Variants in RASAL2 observed in about 807,000 individuals in gnomAD.
RASAL2 encodes the protein ras GTPase-activating protein nGAP.
RASAL2 carries 58 observed loss-of-function variants against 128.9 expected under a neutral mutation model. That is an observed-to-expected ratio of 0.45 (90% confidence interval 0.36 to 0.56). The LOEUF (loss-of-function observed/expected upper bound fraction) is 0.56, where lower values mean the gene tolerates loss of function less well. Ranked by LOEUF, RASAL2 falls within the 20% of genes least tolerant of loss-of-function variation. The pLI is 0.00. For missense variants in RASAL2, 1,360 were observed against 1,601.6 expected, an observed-to-expected ratio of 0.85 and a Z score of 2.57; for synonymous variants, 561 against 580.8, an observed-to-expected ratio of 0.97 and a Z score of 0.49.
At chr1:178,136,617 C>T (rs1660332374) in intron 1 of RASAL2, among the ~76,000 whole-genome samples, 1 of 151,324 alleles carries the variant, frequency 6.6e-6, no homozygotes, top group South Asian at 2.1e-4. Flanking sequence ...ATTACCGGGG[C>T]GTGGTGGCGG....
intron 17 of RASAL2, among the ~76,000 whole-genome samples, chr1:178,469,709 A>G (rs1280495500): frequency 6.6e-6 from 1 of 152,214 alleles, no homozygotes; most frequent in Non-Finnish European, 1.5e-5. Flanking sequence ...GGTAGAATCC[A>G]GGCACCTTTC....
Position 178,319,874 on chromosome 1 carries a change from G to A in RASAL2, c.457+19756G>A, listed in dbSNP as rs1269500924. Among the ~76,000 whole-genome samples, 9 of 152,186 alleles carry A rather than the reference G, an allele frequency of 5.9e-5. No homozygotes were observed. In the South Asian group the frequency reaches 1.0e-3, roughly 18 times the overall value. The stretch of plus-strand genomic sequence containing the variant: ...CTTTGGAGGAGGAGAGACGCTCTGC[G>A]TTTTAGAGTTTCCAGTTTTTCTGTT... On this transcript the variant is annotated intron_variant, in intron 3 of 17. Transcript: ENST00000367649.
intron 3 of RASAL2, among the ~76,000 whole-genome samples, chr1:178,324,249 G>T (rs1557902277): frequency 6.6e-6 from 1 of 152,156 alleles, no homozygotes; most frequent in East Asian, 1.9e-4. Context: ...GCTTGGACAG[G>T]TTTAAGCTAT....
intron 2 of RASAL2, among the ~76,000 whole-genome samples, chr1:178,293,497 C>G (rs1667370393): frequency 6.6e-6 from 1 of 152,194 alleles, no homozygotes; most frequent in African/African-American, 2.4e-5. Context: ...CAGTGCTCCC[C>G]ATGCGTGGTC....
chr1:178,310,956 A>G (rs1668217360), intron 3 of RASAL2, among the ~76,000 whole-genome samples: 1 of 152,162 alleles, frequency 6.6e-6, no homozygotes, highest in Non-Finnish European at 1.5e-5. Context: ...GTGCCCAAGA[A>G]GACCAGAGTA....
intron 1 of RASAL2, among the ~76,000 whole-genome samples, chr1:178,152,661 C>T (rs541145704): frequency 6.6e-6 from 1 of 152,000 alleles, no homozygotes; most frequent in South Asian, 2.1e-4. Flanking sequence ...TAGACTCTGT[C>T]TCAAAAAAAC....
intron 3 of RASAL2, among the ~76,000 whole-genome samples, chr1:178,317,600 C>A (rs935716026): frequency 1.1e-4 from 16 of 149,510 alleles, no homozygotes; most frequent in Non-Finnish European, 1.8e-4. Flanking sequence ...GTAGTATTCT[C>A]TGATGGTAGT....
chr1:178,163,574 C>T (rs1458505127), intron 1 of RASAL2, among the ~76,000 whole-genome samples: 1 of 152,016 alleles, frequency 6.6e-6, no homozygotes, highest in Admixed American at 6.5e-5. Flanking sequence ...CCAAATTTGT[C>T]TTGGCCCCTG....
intron 4 of RASAL2, among the ~76,000 whole-genome samples, chr1:178,392,495 AAACTTAACTAAATT>A (rs1557952554): frequency 2.6e-5 from 4 of 152,228 alleles, no homozygotes; most frequent in Admixed American, 2.0e-4. Flanking sequence ...TTTGTTCATC[AAACTTAACTAAATT>A]ATACTTGCTG....
Position 178,449,031 on chromosome 1 carries a change from G to A in RASAL2, c.1628-2540G>A, listed in dbSNP as rs1459245457. Among the ~76,000 whole-genome samples the A allele has an allele frequency of 2.0e-5, 3 of 152,140 alleles. No individual in the cohort carries two copies. The East Asian group carries it at 5.8e-4, about 29-fold the overall frequency. On this transcript the variant is annotated intron_variant, in intron 9 of 17. Transcript: ENST00000367649. ...ATTGGTAAGCTTCTTCAGGACAGGGGCTGTATTGTCTTCTTCTCGTTAAAG... is the reference window on the plus strand; with the variant it reads ...ATTGGTAAGCTTCTTCAGGACAGGGACTGTATTGTCTTCTTCTCGTTAAAG...
In RASAL2 at chr1:178,229,300, T is replaced by G. The variant is rs532202694; in HGVS notation, c.203-54264T>G. 3.3e-5 allele frequency among the ~76,000 whole-genome samples: 5 copies of G among 152,328 alleles called. No homozygotes were observed. In the South Asian group the frequency reaches 1.0e-3, roughly 32 times the overall value. On this transcript the variant is annotated intron_variant, in intron 1 of 17. Coordinates refer to ENST00000367649, the MANE Select transcript of RASAL2 (RefSeq NM_170692.4). ...ACCCATAATCCACATTCAGAATTTG[T>G]CAGTTGTCCCAATAATGTCTTTCAT...
At chr1:178,248,337 C>CT (rs747873103) in intron 1 of RASAL2, among the ~76,000 whole-genome samples, 1 of 152,216 alleles carries the variant, frequency 6.6e-6, no homozygotes, top group African/African-American at 2.4e-5. Flanking sequence ...CCTTCTGTGT[C>CT]TTTTTTGATC....
chr1:178,233,497 C>T (rs748586660), intron 1 of RASAL2, among the ~76,000 whole-genome samples: 10 of 152,106 alleles, frequency 6.6e-5, no homozygotes, highest in Middle Eastern at 3.4e-3. Context: ...CAGAGACATC[C>T]GAGTTTTAGG....
At chr1:178,320,614 G>A (rs1298240430) in intron 3 of RASAL2, among the ~76,000 whole-genome samples, 6 of 152,154 alleles carry the variant, frequency 3.9e-5, no homozygotes, top group African/African-American at 7.2e-5. Flanking sequence ...GACCCCTTGC[G>A]CTTCCCAGGT....
In RASAL2 at chr1:178,474,824, T is replaced by C. The variant is rs977718369; in HGVS notation, c.*1585T>C. The stretch of plus-strand genomic sequence containing the variant: ...TTTAAGCAAGATCTAAGTAGTTGTT[T>C]TATATTGAGAAAGCAACAATGTTTC... On this transcript the variant is annotated 3_prime_UTR_variant, in exon 18 of 18. Transcript: ENST00000367649. 6.6e-6 allele frequency: 1 copy of C among 152,164 alleles called. No individual in the cohort carries two copies. Among genetic ancestry groups the C allele is most frequent in the African/African-American group, 2.4e-5 (1 of 41,424 alleles). The allele number at this position is 152,164 out of a possible 1,614,324, so 9.4% of individuals were successfully genotyped here. A position where few individuals can be genotyped will look rare whatever the true frequency, so the allele number is the denominator to read the frequency against.
chr1:178,250,948 AG>A (rs1665028322), intron 1 of RASAL2, among the ~76,000 whole-genome samples: 1 of 152,206 alleles, frequency 6.6e-6, no homozygotes, highest in Non-Finnish European at 1.5e-5. Context: ...AGTACAGTCA[AG>A]GGCTAGCTAG....
chr1:178,238,381 G>C (rs911630252), intron 1 of RASAL2, among the ~76,000 whole-genome samples: 1 of 152,048 alleles, frequency 6.6e-6, no homozygotes, highest in East Asian at 1.9e-4. Flanking sequence ...GAACATTCAT[G>C]AACAAATTTT....
At chr1:178,274,655 A>G (rs190089305) in intron 1 of RASAL2, among the ~76,000 whole-genome samples, 1 of 152,142 alleles carries the variant, frequency 6.6e-6, no homozygotes, top group Non-Finnish European at 1.5e-5. Context: ...AACACAAATC[A>G]CAGCTCACCA....
At chr1:178,314,855 TG>T (rs1200098610) in intron 3 of RASAL2, among the ~76,000 whole-genome samples, 1 of 151,182 alleles carries the variant, frequency 6.6e-6, no homozygotes, top group African/African-American at 2.4e-5. Flanking sequence ...TAGTTACATA[TG>T]TATACATGTG....
Sources: allele counts gnomAD v4.1 joint callset (sites outside exome capture counted in the v4.1 genomes callset), GRCh38; gene constraint gnomAD v4.1.1; transcripts MANE v1.5; gene names NCBI Gene and HGNC (gene_info 2026-07-23, HGNC 2026-07-21).